Variants in DENND2A observed in about 807,000 individuals in gnomAD.
DENND2A encodes DENN domain containing 2A, also known as DENN domain-containing protein 2A.
DENND2A carries 53 observed loss-of-function variants against 105.3 expected under a neutral mutation model. The ratio of observed to expected loss-of-function variants is 0.50; its 90% confidence interval spans 0.40 to 0.63. The LOEUF (loss-of-function observed/expected upper bound fraction) is 0.63, where lower values mean the gene tolerates loss of function less well. DENND2A is among the 30% of genes least tolerant of loss of function. The pLI, the probability that DENND2A is intolerant of heterozygous loss-of-function variation, is 0.00. For missense variants in DENND2A, 1,138 were observed against 1,279.6 expected (o/e 0.89, Z 1.69); for synonymous variants, 522 against 508.4 (o/e 1.03, Z -0.36).
intron 14 of DENND2A, among the ~76,000 whole-genome samples, chr7:140,535,394 C>T (rs1156872722): frequency 1.4e-4 from 21 of 151,952 alleles, no homozygotes; most frequent in Admixed American, 1.3e-3. Flanking sequence ...ACCCTGAGGC[C>T]GTGTGCCACA....
chr7:140,623,719 A>AG (rs1800392193), intron 1 of DENND2A, among the ~76,000 whole-genome samples: 1 of 125,114 alleles, frequency 8.0e-6, no homozygotes, highest in African/African-American at 3.4e-5. Flanking sequence ...GACTCCGTCT[A>AG]GAAAAAAAAA....
chr7:140,608,321 C>A (rs1053288043), intron 1 of DENND2A, among the ~76,000 whole-genome samples: 3 of 152,164 alleles, frequency 2.0e-5, no homozygotes, highest in African/African-American at 7.2e-5. Context: ...TCTGAATTCA[C>A]AAAGATATTA....
intron 2 of DENND2A, among the ~76,000 whole-genome samples, chr7:140,605,434 A>C (rs2130693941): frequency 6.6e-6 from 1 of 152,362 alleles, no homozygotes; most frequent in Admixed American, 6.5e-5. Context: ...TTAGAAAAAT[A>C]AACCCAGAAT....
chr7:140,601,603 A>G lies in DENND2A; in HGVS notation c.795T>C (p.Pro265=), dbSNP rs757227434. 3.1e-6 allele frequency: 5 copies of G among 1,613,840 alleles called. No homozygotes were observed. Among genetic ancestry groups the G allele is most frequent in the Admixed American group, 1.7e-5 (1 of 59,990 alleles). Reference sequence around the variant, plus strand: ...TGAACGTTCTCCGGGGTTTTGGCAGAGGGTTGATGAAGGGCTTTGTGGGGG... The same window carrying G: ...TGAACGTTCTCCGGGGTTTTGGCAGGGGGTTGATGAAGGGCTTTGTGGGGG... ...EGSPTKPFIN[P]LPKPRRTFKH... is the part of the protein sequence containing the mutation. Residue 265 remains proline (P), a synonymous_variant, in exon 3 of 20, where the codon CCT becomes CCC. Coordinates refer to ENST00000496613, the MANE Select transcript of DENND2A (RefSeq NM_015689.5).
At position 140,544,675 on chromosome 7, in the gene DENND2A, C is replaced by G. The variant is rs750124447; in HGVS notation, c.2270G>C (p.Cys757Ser). The G allele has an allele frequency of 6.2e-7, 1 of 1,614,106 alleles. No individual in the cohort carries two copies. Among genetic ancestry groups the G allele is most frequent in the Non-Finnish European group, 8.5e-7 (1 of 1,180,020 alleles). The change falls in exon 14 of 20, where the codon TGT becomes TCT. Residue 757 changes from cysteine (C) to serine (S), a missense_variant. Coordinates refer to ENST00000496613, the MANE Select transcript of DENND2A (RefSeq NM_015689.5). ...FSSLSVRHLV[C>S]VFASLLLERR... The stretch of plus-strand genomic sequence containing the variant: ...CTCCAGAAGCAGGGAGGCAAACACA[C>G]AGACCAGGTGGCGGACGCTGAGGGA...
rs1232971372 is a variant in DENND2A, at chr7:140,613,117, G to GA, written c.-247-7312dup. Among the ~76,000 whole-genome samples the GA allele has an allele frequency of 2.4e-3, 333 of 140,796 alleles. 1 individual carries two copies. The highest frequency in any genetic ancestry group is 7.6e-3 in the African/African-American group (294 of 38,622). The allele number at this position is 140,796 out of a possible 152,430, so 92.4% of individuals were successfully genotyped here. A position where few individuals can be genotyped will look rare whatever the true frequency, so the allele number is the denominator to read the frequency against. ...CAACAAGAGCGAAACTCTGTCTCAA[G>GA]AAAAAAAAAAAGGTTTAGCTGAGTA... On this transcript the variant is annotated intron_variant, in intron 1 of 19. Transcript: ENST00000496613.
intron 15 of DENND2A, among the ~76,000 whole-genome samples, chr7:140,526,654 C>T (rs1312003790): frequency 2.6e-5 from 4 of 152,256 alleles, no homozygotes; most frequent in Non-Finnish European, 4.4e-5. Context: ...GCCCTAAGGC[C>T]GGTGGGTGAT....
At chr7:140,555,441 C>T (rs561157280) in intron 12 of DENND2A, among the ~76,000 whole-genome samples, 195 bp downstream of exon 12, 95 of 152,140 alleles carry the variant, frequency 6.2e-4, no homozygotes, top group Non-Finnish European at 1.2e-3. Flanking sequence ...GCCACCACAC[C>T]GGGCCTATCA....
chr7:140,636,960 A>C (rs1179151081), intron 1 of DENND2A, among the ~76,000 whole-genome samples: 1 of 152,002 alleles, frequency 6.6e-6, no homozygotes, highest in African/African-American at 2.4e-5. Context: ...CCTGGGTTCA[A>C]GTGATTCTCC....
At chr7:140,539,671 A>T (rs1796581953) in intron 14 of DENND2A, among the ~76,000 whole-genome samples, 1 of 152,220 alleles carries the variant, frequency 6.6e-6, no homozygotes, top group Non-Finnish European at 1.5e-5. Context: ...ACAGGGCCGT[A>T]GGGGGCATGA....
intron 3 of DENND2A, 39 bp downstream of exon 3, chr7:140,601,364 T>C: frequency 6.7e-7 from 1 of 1,494,436 alleles, no homozygotes; most frequent in Non-Finnish European, 8.9e-7. Context: ...ACTGAGAGAG[T>C]CAGGTGGCGA....
intron 1 of DENND2A, among the ~76,000 whole-genome samples, chr7:140,619,239 T>C (rs1800193288): frequency 6.6e-6 from 1 of 152,204 alleles, no homozygotes; most frequent in Non-Finnish European, 1.5e-5. Flanking sequence ...GTAATGGTAA[T>C]GTAGACTATA....
rs1471274918 is a variant in DENND2A, at chr7:140,523,317, G to A, written c.2655C>T (p.Asp885=). Residue 885 remains aspartate, a synonymous_variant, in exon 17 of 20, where the codon GAC becomes GAT. Coordinates refer to ENST00000496613, the MANE Select transcript of DENND2A (RefSeq NM_015689.5). The surrounding 1 kb of genome is among the most constrained non-coding windows in gnomAD (Gnocchi z 4.5). Reference sequence around the variant, plus strand: ...TGGCTGAACACTTACCGTGCCTGCCGTCTAGGGGCCCTTCGTCCTGCTCAC... The same window carrying A: ...TGGCTGAACACTTACCGTGCCTGCCATCTAGGGGCCCTTCGTCCTGCTCAC... The part of the protein sequence containing the change: ...LACEQDEGPL[D]GRHGPESSPL... 10 of 1,614,164 alleles carry A rather than the reference G, an allele frequency of 6.2e-6. No individual in the cohort carries two copies. The highest frequency in any genetic ancestry group is 1.1e-5 in the South Asian group (1 of 91,084).
chr7:140,572,034 C>T (rs560255958), intron 6 of DENND2A, among the ~76,000 whole-genome samples: 41 of 151,998 alleles, frequency 2.7e-4, no homozygotes, highest in Non-Finnish European at 5.1e-4. Context: ...GGCAGCATCT[C>T]GCTCTGTCAC....
At chr7:140,548,599 A>G (rs1796996801) in intron 12 of DENND2A, among the ~76,000 whole-genome samples, 1 of 151,210 alleles carries the variant, frequency 6.6e-6, no homozygotes, top group Non-Finnish European at 1.5e-5. Flanking sequence ...CTGAATTCAG[A>G]GGTTTTTTTA....
intron 1 of DENND2A, among the ~76,000 whole-genome samples, chr7:140,627,658 AC>A (rs913829457): frequency 6.6e-6 from 1 of 151,810 alleles, no homozygotes; most frequent in African/African-American, 2.4e-5. Context: ...ATTAGCTGGG[AC>A]CAAAGGCGTG....
chr7:140,639,761 G>A lies in DENND2A; in HGVS notation c.-248+743C>T, dbSNP rs73502435. Among the ~76,000 whole-genome samples the A allele has an allele frequency of 5.4e-3, 818 of 152,274 alleles. 10 individuals are homozygous for A. Among genetic ancestry groups the A allele is most frequent in the African/African-American group, 0.018 (760 of 41,554 alleles). On this transcript the variant is annotated intron_variant, in intron 1 of 19. Transcript: ENST00000496613. Reference sequence around the variant, plus strand: ...CTGGAAGTCAGCACCAGCTGGTTAAGGCAGGGTCACTGCACTTCCCTTGCC... The same window carrying A: ...CTGGAAGTCAGCACCAGCTGGTTAAAGCAGGGTCACTGCACTTCCCTTGCC...
Position 140,523,792 on chromosome 7 carries a change from C to T in DENND2A, c.2548-368G>A, listed in dbSNP as rs1315374835. Among the ~76,000 whole-genome samples, 1 of 152,134 alleles carries T rather than the reference C, an allele frequency of 6.6e-6. No individual in the cohort carries two copies. Among genetic ancestry groups the T allele is most frequent in the East Asian group, 1.9e-4 (1 of 5,180 alleles). On this transcript the variant is annotated intron_variant, in intron 16 of 19. Transcript: ENST00000496613. The surrounding 1 kb of genome is among the most constrained non-coding windows in gnomAD (Gnocchi z 4.5). ...TTCACCATGTTAGCCAGGCTGGTCT[C>T]GAACTCCTGACCTCAGGTGATCCGC... is the stretch of plus-strand genomic sequence containing the variant.
At chr7:140,595,651 C>T (rs772535470) in intron 3 of DENND2A, among the ~76,000 whole-genome samples, 2 of 152,114 alleles carry the variant, frequency 1.3e-5, no homozygotes, top group East Asian at 3.9e-4. Context: ...TGCCTGTGGT[C>T]GCAACTACTC....
Sources: gnomAD v4.1 joint callset for allele counts (sites outside exome capture counted in the v4.1 genomes callset) on GRCh38, gnomAD v4.1.1 for gene constraint, Gnocchi (gnomAD v3.1) non-coding constraint, MANE v1.5 for transcripts, NCBI Gene and HGNC (gene_info 2026-07-23, HGNC 2026-07-21) for gene names.